Variants in RBFOX1 observed in about 807,000 individuals in gnomAD.
The protein encoded by RBFOX1 is RNA binding fox-1 homolog 1, also known as RNA binding protein fox-1 homolog 1.
In RBFOX1, 8 loss-of-function variants were observed where a neutral mutation model predicts 57.7. That is an observed-to-expected ratio of 0.14 (90% CI 0.08 to 0.25). The LOEUF is 0.25. Ranked by LOEUF, RBFOX1 falls within the 10% of genes least tolerant of loss-of-function variation. RBFOX1 has a pLI of 1.00. For synonymous variants in RBFOX1, 326 were observed against 222.4 expected (o/e 1.47, Z -4.15); for missense variants, 611 against 548.5 (o/e 1.11, Z -1.14).
intron 1 of RBFOX1, among the ~76,000 whole-genome samples, chr16:5,275,233 G>C (rs147716913): frequency 6.6e-6 from 1 of 152,182 alleles, no homozygotes; most frequent in Non-Finnish European, 1.5e-5. Context: ...TTTGTGCAAT[G>C]AGTAATGATC....
At chr16:7,597,866 G>C (rs535270547) in intron 9 of RBFOX1, among the ~76,000 whole-genome samples, 1 of 152,240 alleles carries the variant, frequency 6.6e-6, no homozygotes, top group South Asian at 2.1e-4. Context: ...TTAGTCATTT[G>C]AAGTGGTTTA....
At chr16:7,354,951 G>A (rs1296463232) in intron 4 of RBFOX1, among the ~76,000 whole-genome samples, 1 of 152,086 alleles carries the variant, frequency 6.6e-6, no homozygotes, top group African/African-American at 2.4e-5. Flanking sequence ...CCTCATTTAA[G>A]CAAATTCGAA....
chr16:7,044,545 C>A (rs1464570909), intron 3 of RBFOX1, among the ~76,000 whole-genome samples: 1 of 152,162 alleles, frequency 6.6e-6, no homozygotes, highest in East Asian at 1.9e-4. Context: ...TTTATTGCTT[C>A]AGTTTCTAAC....
chr16:6,346,958 A>G (rs768142295), intron 2 of RBFOX1, among the ~76,000 whole-genome samples: 6 of 152,126 alleles, frequency 3.9e-5, no homozygotes, highest in Admixed American at 6.5e-5. Context: ...TGAGATTTCA[A>G]TGTGTGTTGT....
chr16:6,622,677 ATGAG>A (rs926208043), intron 2 of RBFOX1, among the ~76,000 whole-genome samples: 2 of 152,238 alleles, frequency 1.3e-5, no homozygotes, highest in Admixed American at 6.5e-5. Flanking sequence ...AGATAAATGA[ATGAG>A]TGAGCAATTT....
chr16:6,598,904 C>G (rs1204602020), intron 2 of RBFOX1, among the ~76,000 whole-genome samples: 1 of 152,110 alleles, frequency 6.6e-6, no homozygotes, highest in Non-Finnish European at 1.5e-5. Flanking sequence ...TGAGATTGCG[C>G]CACTGCACTC....
chr16:5,990,749 C>T (rs1204956754), intron 4 of RBFOX1, among the ~76,000 whole-genome samples: 1 of 152,210 alleles, frequency 6.6e-6, no homozygotes, highest in Non-Finnish European at 1.5e-5. Flanking sequence ...GGGCAGATCG[C>T]TGGAGGTCAG....
At chr16:7,330,563 C>T (rs899140810) in intron 4 of RBFOX1, among the ~76,000 whole-genome samples, 1 of 149,062 alleles carries the variant, frequency 6.7e-6, no homozygotes. Context: ...TACATAAATA[C>T]AATGGATCAC....
At chr16:6,664,848 A>C (rs1326458453) in intron 3 of RBFOX1, among the ~76,000 whole-genome samples, 1 of 152,190 alleles carries the variant, frequency 6.6e-6, no homozygotes, top group East Asian at 1.9e-4. Flanking sequence ...TCTGGAGTTG[A>C]ATCCCGGTTC....
At chr16:6,504,049 A>G (rs1285673421) in intron 2 of RBFOX1, among the ~76,000 whole-genome samples, 1 of 152,140 alleles carries the variant, frequency 6.6e-6, no homozygotes, top group Non-Finnish European at 1.5e-5. Context: ...TTATTGTTTC[A>G]GCACCACTGA....
In RBFOX1 at chr16:7,486,610, C is replaced by A. The variant is rs921098280; in HGVS notation, c.28-31537C>A. Among the ~76,000 whole-genome samples, 3 of 152,148 alleles carry A rather than the reference C, an allele frequency of 2.0e-5. No individual in the cohort carries two copies. In the South Asian group the frequency reaches 6.2e-4, roughly 32 times the overall value. ...AGGCGAGCAAAGCACCTGGCATTCA[C>A]AGTGTCCAGTTCACATGACGAGCTC... On this transcript the variant is annotated intron_variant, in intron 4 of 15. Transcript: ENST00000550418.
intron 4 of RBFOX1, among the ~76,000 whole-genome samples, chr16:7,448,206 A>G (rs1167460237): frequency 6.6e-6 from 1 of 152,220 alleles, no homozygotes; most frequent in East Asian, 1.9e-4. Context: ...ACAGAAACTT[A>G]TTCTCTTAGT....
At chr16:6,234,297 G>A (rs189610668) in intron 1 of RBFOX1, among the ~76,000 whole-genome samples, 38 of 152,142 alleles carry the variant, frequency 2.5e-4, no homozygotes, top group Middle Eastern at 3.4e-3. Flanking sequence ...GTTATCTATC[G>A]AAAAGCAAGT....
intron 4 of RBFOX1, among the ~76,000 whole-genome samples, chr16:7,303,111 A>T (rs913044275): frequency 3.3e-5 from 5 of 152,184 alleles, no homozygotes; most frequent in Non-Finnish European, 5.9e-5. Context: ...CTGGCACGTT[A>T]GTCCAACAGG....
intron 5 of RBFOX1, among the ~76,000 whole-genome samples, chr16:7,558,088 C>G (rs770652178): frequency 1.4e-4 from 21 of 152,092 alleles, no homozygotes; most frequent in Non-Finnish European, 2.9e-4. Context: ...GGCATGGTAG[C>G]TCACGCCTGT....
rs542817130 is a variant in RBFOX1 at position 5,530,136 on chromosome 16, C to G, written c.258+62882C>G. Among the ~76,000 whole-genome samples, 4 of 152,266 alleles carry G rather than the reference C, an allele frequency of 2.6e-5. No individual in the cohort carries two copies. In the South Asian group the frequency reaches 6.2e-4, roughly 24 times the overall value. On this transcript the variant is annotated intron_variant, in intron 2 of 2. Coordinates refer to the RBFOX1 transcript ENST00000585867. ...ACTTTGCTATGGTAGCCCCAGTGGT[C>G]TCATACACCCTTAGAGCCTGAGAGC...
intron 1 of RBFOX1, among the ~76,000 whole-genome samples, chr16:5,397,891 T>C (rs539041127): frequency 4.6e-5 from 7 of 152,326 alleles, no homozygotes; most frequent in Middle Eastern, 3.4e-3. Flanking sequence ...TGTTCTATGT[T>C]TGGTGACTTC....
chr16:6,847,238 A>G (rs915264760), intron 3 of RBFOX1, among the ~76,000 whole-genome samples: 1 of 152,070 alleles, frequency 6.6e-6, no homozygotes, highest in African/African-American at 2.4e-5. Flanking sequence ...GATATACAAC[A>G]TGTATCTCTC....
chr16:7,042,287 G>A (rs997922016), intron 3 of RBFOX1, among the ~76,000 whole-genome samples: 2 of 152,324 alleles, frequency 1.3e-5, no homozygotes, highest in Admixed American at 6.5e-5. Flanking sequence ...TTGGGGAGGA[G>A]GGCTAACAGT....
Sources: gnomAD v4.1 joint callset for allele counts (sites outside exome capture counted in the v4.1 genomes callset) on GRCh38, gnomAD v4.1.1 for gene constraint, MANE v1.5 for transcripts, NCBI Gene and HGNC (gene_info 2026-07-23, HGNC 2026-07-21) for gene names.